The following TCF20 variants were observed in gnomAD, a reference collection of about 807,000 sequenced individuals.
The protein encoded by TCF20 is SPRE-binding protein.
TCF20 carries 3 observed loss-of-function variants against 148.6 expected under a neutral mutation model. The ratio of observed to expected loss-of-function variants is 0.02; its 90% confidence interval spans 0.01 to 0.05. The LOEUF (loss-of-function observed/expected upper bound fraction) is 0.05. Ranked by LOEUF, TCF20 falls within the 10% of genes least tolerant of loss-of-function variation. TCF20 has a pLI of 1.00. For synonymous variants in TCF20, 1,049 were observed against 909.5 expected (o/e 1.15, Z -2.76); for missense variants, 2,350 against 2,429.3 (o/e 0.97, Z 0.69).
chr22:42,160,958 A>T lies in TCF20; in HGVS notation c.*445T>A, dbSNP rs1220443864. ...TTTAAATTTCACTTGTCATCGGAAC[A>T]AATTTGGAGATCTTTAACGAGATAA... is the stretch of plus-strand genomic sequence containing the variant. On this transcript the variant is annotated 3_prime_UTR_variant, in exon 6 of 6. Transcript: ENST00000677622. 1 of 169,664 alleles carries T rather than the reference A, an allele frequency of 5.9e-6. No homozygotes were observed. The highest frequency in any genetic ancestry group is 1.3e-5 in the Non-Finnish European group (1 of 79,472). The allele number at this position is 169,664 out of a possible 1,614,324, so 10.5% of individuals were successfully genotyped here.
At chr22:42,263,208 T>G (rs1009650312) in intron 1 of TCF20, among the ~76,000 whole-genome samples, 5 of 152,356 alleles carry the variant, frequency 3.3e-5, no homozygotes, top group Middle Eastern at 3.4e-3. Flanking sequence ...CACGCTCTGC[T>G]GCCTTCCATC....
At chr22:42,185,420 C>T (rs893667485) in intron 2 of TCF20, among the ~76,000 whole-genome samples, 1 of 152,186 alleles carries the variant, frequency 6.6e-6, no homozygotes, top group Non-Finnish European at 1.5e-5. Flanking sequence ...ACTTGAGAGC[C>T]TGAAGACAAC....
Position 42,211,286 on chromosome 22 carries a change from T to C in TCF20, c.4020A>G (p.Lys1340=), listed in dbSNP as rs749580157. Residue 1340 remains lysine, a synonymous_variant, in exon 2 of 6, where the codon AAA becomes AAG. Coordinates refer to ENST00000677622, the MANE Select transcript of TCF20 (RefSeq NM_001378418.1). ...AVTLTSPAKT[K]ILPPRKGRGL... ...CCCGTCCTTTCCGTGGGGGCAGTAT[T>C]TTGGTCTTAGCAGGGCTTGTGAGGG... 6.2e-7 allele frequency: 1 copy of C among 1,613,966 alleles called. No homozygotes were observed. Among genetic ancestry groups the C allele is most frequent in the East Asian group, 2.2e-5 (1 of 44,888 alleles).
At position 42,218,791 on chromosome 22, in the gene TCF20, G is replaced by T. The variant is rs1479118716; in HGVS notation, c.-36-3450C>A. Among the ~76,000 whole-genome samples, 7 of 149,978 alleles carry T rather than the reference G, an allele frequency of 4.7e-5. No homozygotes were observed. The East Asian group carries it at 8.0e-4, about 17-fold the overall frequency. ...GCCCTATCTCCAGACAGGGAAAACAGATACAGGAAGGACTCCTTCTTAGGT... is the reference window on the plus strand; with the variant it reads ...GCCCTATCTCCAGACAGGGAAAACATATACAGGAAGGACTCCTTCTTAGGT... On this transcript the variant is annotated intron_variant, in intron 1 of 5. Transcript: ENST00000677622.
intron 1 of TCF20, among the ~76,000 whole-genome samples, chr22:42,324,457 T>C (rs73169171): frequency 0.33 from 47,007 of 144,238 alleles, 8,537 homozygotes; most frequent in Middle Eastern, 0.43. Context: ...GAGAAAATAA[T>C]CTCCACCATT....
At chr22:42,309,916 G>A (rs1450743505) in intron 1 of TCF20, among the ~76,000 whole-genome samples, 4 of 152,220 alleles carry the variant, frequency 2.6e-5, no homozygotes, top group Non-Finnish European at 4.4e-5. Flanking sequence ...ATGCTCTGAG[G>A]TTGTGTCCAA....
At position 42,211,034 on chromosome 22, in the gene TCF20, C is replaced by A. The variant is rs1262297897; in HGVS notation, c.4272G>T (p.Leu1424Phe). The change falls in exon 2 of 6, where the codon TTG becomes TTT. Residue 1424 changes from leucine to phenylalanine, a missense_variant. Coordinates refer to ENST00000677622, the MANE Select transcript of TCF20 (RefSeq NM_001378418.1). The part of the protein sequence containing the change: ...SDLVSPANQE[L>F]HVEKPLPRSS... Reference sequence around the variant, plus strand: ...ACCTTGGAAGAGGTTTCTCTACGTGCAACTCCTGGTTTGCTGGACTGACTA... The same window carrying A: ...ACCTTGGAAGAGGTTTCTCTACGTGAAACTCCTGGTTTGCTGGACTGACTA... The A allele has an allele frequency of 3.9e-5, 63 of 1,614,032 alleles. No individual in the cohort carries two copies. Among genetic ancestry groups the A allele is most frequent in the Non-Finnish European group, 5.0e-5 (59 of 1,180,038 alleles).
intron 1 of TCF20, among the ~76,000 whole-genome samples, chr22:42,277,307 T>C (rs968980742): frequency 8.5e-5 from 13 of 152,248 alleles, no homozygotes; most frequent in Non-Finnish European, 1.8e-4. Context: ...CAAGGGTCCC[T>C]GTGGTCATGA....
chr22:42,257,259 C>T (rs183995321), intron 1 of TCF20, among the ~76,000 whole-genome samples: 205 of 152,284 alleles, frequency 1.3e-3, no homozygotes, highest in African/African-American at 4.8e-3. Flanking sequence ...TTCCATCTGA[C>T]CCTGTCTGCT....
At chr22:42,239,790 C>T (rs1398101800) in intron 1 of TCF20, among the ~76,000 whole-genome samples, 1 of 152,044 alleles carries the variant, frequency 6.6e-6, no homozygotes, top group Non-Finnish European at 1.5e-5. Flanking sequence ...GAGACTCCGA[C>T]TCAAAAATAA....
At position 42,311,625 on chromosome 22, in the gene TCF20, C is replaced by A. The variant is rs576996081; in HGVS notation, c.-37+31854G>T. On this transcript the variant is annotated intron_variant, in intron 1 of 1. Transcript: ENST00000515426. The stretch of plus-strand genomic sequence containing the variant: ...GGGTATGGACGGGAATCATGCAGAC[C>A]CCAGGCCTGGCCCTCCCAGCTGGGA... Among the ~76,000 whole-genome samples the A allele has an allele frequency of 6.6e-5, 10 of 152,274 alleles. No homozygotes were observed. In the East Asian group the frequency reaches 1.7e-3, roughly 26 times the overall value.
At chr22:42,201,207 C>T (rs988314156) in intron 2 of TCF20, among the ~76,000 whole-genome samples, 2 of 152,256 alleles carry the variant, frequency 1.3e-5, no homozygotes, top group Non-Finnish European at 2.9e-5. Flanking sequence ...CAGATGCAGG[C>T]ATCATGCTTC....
intron 1 of TCF20, among the ~76,000 whole-genome samples, chr22:42,225,451 A>G (rs1922792858): frequency 6.6e-6 from 1 of 150,524 alleles, no homozygotes; most frequent in South Asian, 2.1e-4. Flanking sequence ...CGTCTCTACT[A>G]AAAATACAAA....
chr22:42,164,212 C>CTT (rs56079117), intron 5 of TCF20, among the ~76,000 whole-genome samples: 7 of 83,486 alleles, frequency 8.4e-5, no homozygotes, highest in Non-Finnish European at 1.4e-4. Flanking sequence ...TCATTTCTTT[C>CTT]TTTTTTTTTT....
At chr22:42,235,348 T>C (rs1367171153) in intron 1 of TCF20, among the ~76,000 whole-genome samples, 2 of 152,092 alleles carry the variant, frequency 1.3e-5, no homozygotes, top group Admixed American at 1.3e-4. Flanking sequence ...CCTTCTCAAC[T>C]GGGGACTTCT....
At chr22:42,205,485 AAT>A (rs3045576) in intron 2 of TCF20, among the ~76,000 whole-genome samples, 2,889 of 152,332 alleles carry the variant, frequency 0.019, 57 homozygotes, top group Non-Finnish European at 0.033. Context: ...TCTCTAATGA[AAT>A]ATATGTGACT....
chr22:42,224,931 C>G (rs1240819173), intron 1 of TCF20, among the ~76,000 whole-genome samples: 1 of 151,486 alleles, frequency 6.6e-6, no homozygotes, highest in East Asian at 1.9e-4. Context: ...TCCAAGATGG[C>G]AGTGTTGTGG....
chr22:42,184,130 T>C (rs1483153406), intron 2 of TCF20, among the ~76,000 whole-genome samples: 1 of 152,052 alleles, frequency 6.6e-6, no homozygotes, highest in Non-Finnish European at 1.5e-5. Flanking sequence ...ACAATTTCAC[T>C]AGGCAAATTG....
Position 42,197,385 on chromosome 22 carries a change from C to T in TCF20, c.5655+12266G>A, listed in dbSNP as rs183287965. On this transcript the variant is annotated intron_variant, in intron 2 of 5. Coordinates refer to ENST00000677622, the MANE Select transcript of TCF20 (RefSeq NM_001378418.1). Reference sequence around the variant, plus strand: ...TCGCCCAGGCTGGAGGGCAGTGGCGCGATCTCGGCTCACTGCAAGCTCCGC... The same window carrying T: ...TCGCCCAGGCTGGAGGGCAGTGGCGTGATCTCGGCTCACTGCAAGCTCCGC... Among the ~76,000 whole-genome samples, 1,028 of 149,292 alleles carry T rather than the reference C, an allele frequency of 6.9e-3. 5 individuals carry two copies. Among genetic ancestry groups the T allele is most frequent in the Non-Finnish European group, 0.011 (753 of 67,576 alleles).
Sources: allele counts gnomAD v4.1 joint callset (sites outside exome capture counted in the v4.1 genomes callset), GRCh38; gene constraint gnomAD v4.1.1; transcripts MANE v1.5; gene names NCBI Gene and HGNC (gene_info 2026-07-23, HGNC 2026-07-21).